Variants in STX3 observed in about 807,000 individuals in gnomAD.
The protein encoded by STX3 is syntaxin-3.
Under a neutral mutation model 40.2 loss-of-function variants are expected in STX3, and 19 were observed. The observed-to-expected ratio is 0.47, with a 90% CI of 0.33 to 0.69. The LOEUF (loss-of-function observed/expected upper bound fraction) is 0.69. Ranked by LOEUF, STX3 falls within the 30% of genes least tolerant of loss-of-function variation. The pLI is 0.02. For missense variants in STX3, 364 were observed against 366.7 expected (o/e 0.99, Z 0.06); for synonymous variants, 122 against 132.2 (o/e 0.92, Z 0.53).
At chr11:59,768,825 C>T (rs75501583) in intron 1 of STX3, among the ~76,000 whole-genome samples, 52 of 152,124 alleles carry the variant, frequency 3.4e-4, no homozygotes, top group Non-Finnish European at 6.9e-4. Context: ...GGGTCTGCTA[C>T]TCAAGCAAGG....
chr11:59,755,318 G>A (rs1250097708), upstream of STX3: 24 of 270,302 alleles, frequency 8.9e-5, no homozygotes, highest in Admixed American at 1.3e-3. Flanking sequence ...GAGGGGCGCG[G>A]CCAGGTAGGG....
At chr11:59,785,412 G>T (rs941348689) in intron 2 of STX3, among the ~76,000 whole-genome samples, 1 of 152,090 alleles carries the variant, frequency 6.6e-6, no homozygotes, top group East Asian at 1.9e-4. Flanking sequence ...GCTCACTGTG[G>T]CTTCAACCTC....
Position 59,802,327 on chromosome 11 carries a change from G to A in STX3, c.*1503G>A. 6.1e-6 allele frequency: 6 copies of A among 985,486 alleles called. No individual in the cohort carries two copies. The highest frequency in any genetic ancestry group is 7.2e-6 in the Non-Finnish European group (6 of 829,970). 61.0% of individuals were successfully genotyped at this position (985,486 alleles called of 1,614,324 possible). A position where few individuals can be genotyped will look rare whatever the true frequency, so the allele number is the denominator to read the frequency against. ...TTAGATCCCCTGCTGGTCTCTGGCA[G>A]TCTCCTTGATTTTGGGTACCATGTA... On this transcript the variant is annotated 3_prime_UTR_variant, in exon 11 of 11. Transcript: ENST00000337979.
rs1421256132 is a variant in STX3 at position 59,804,506 on chromosome 11, G to A, written c.*3682G>A. Reference sequence around the variant, plus strand: ...AACTCTTTAAGGTACCAATGAGAACGTGGTTTGTTACTGTCAGAGGCTGTG... The same window carrying A: ...AACTCTTTAAGGTACCAATGAGAACATGGTTTGTTACTGTCAGAGGCTGTG... On this transcript the variant is annotated 3_prime_UTR_variant, in exon 11 of 11. Coordinates refer to ENST00000337979, the MANE Select transcript of STX3 (RefSeq NM_004177.5). 2.0e-5 allele frequency: 3 copies of A among 152,180 alleles called. No individual in the cohort carries two copies. The highest frequency in any genetic ancestry group is 7.2e-5 in the African/African-American group (3 of 41,436). The allele number at this position is 152,180 out of a possible 1,614,324, so 9.4% of individuals were successfully genotyped here.
chr11:59,797,921 T>C lies in STX3; in HGVS notation c.*30+525T>C, dbSNP rs994357575. 4.9e-4 allele frequency among the ~76,000 whole-genome samples: 74 copies of C among 152,254 alleles called. 3 individuals are homozygous for C. The highest frequency in any genetic ancestry group is 4.8e-5 in the African/African-American group (2 of 41,464). On this transcript the variant is annotated intron_variant, in intron 10 of 10. Transcript: ENST00000337979. ...TTGAGTGTTGTGTTGTACCAGACAA[T>C]GTACTAAACACCTTATACACATATC...
At chr11:59,792,999 G>A (rs1017684662) in intron 6 of STX3, 100 bp from the exon 7 acceptor site, 14 of 1,191,586 alleles carry the variant, frequency 1.2e-5, no homozygotes, top group Middle Eastern at 5.4e-4. Flanking sequence ...TAAAGGCCAC[G>A]GTCTTTATAG....
intron 1 of STX3, among the ~76,000 whole-genome samples, chr11:59,756,013 T>C (rs1862696858): frequency 6.6e-6 from 1 of 152,134 alleles, no homozygotes; most frequent in South Asian, 2.1e-4. Flanking sequence ...CCTGTTTCTC[T>C]CCTGAGGTGC....
At chr11:59,764,273 A>G (rs1863179935) in intron 1 of STX3, among the ~76,000 whole-genome samples, 1 of 152,108 alleles carries the variant, frequency 6.6e-6, no homozygotes, top group South Asian at 2.1e-4. Flanking sequence ...ACAAGGCCCA[A>G]TTTTCTGCTT....
chr11:59,762,908 T>C (rs1158071902), intron 1 of STX3, among the ~76,000 whole-genome samples: 1 of 152,170 alleles, frequency 6.6e-6, no homozygotes, highest in African/African-American at 2.4e-5. Flanking sequence ...AATCCACACA[T>C]TCCACAAAAT....
chr11:59,781,733 C>T (rs1213251852), intron 2 of STX3: 72 of 1,582,390 alleles, frequency 4.6e-5, no homozygotes, highest in Non-Finnish European at 5.8e-5. Flanking sequence ...TGGGTGCGGG[C>T]GGGCTGGCGT....
intron 5 of STX3, among the ~76,000 whole-genome samples, chr11:59,791,628 A>C (rs145362760): frequency 6.6e-6 from 1 of 152,298 alleles, no homozygotes; most frequent in African/African-American, 2.4e-5. Flanking sequence ...GCAAGGAATA[A>C]AAATTATTAG....
chr11:59,771,403 T>TCCCCCCCCCCC (rs1367914976), intron 1 of STX3, among the ~76,000 whole-genome samples: 31 of 34,636 alleles, frequency 9.0e-4, no homozygotes, highest in African/African-American at 1.4e-3. Flanking sequence ...TCCCCCCACC[T>TCCCCCCCCCCC]CCCCCCCCCC....
chr11:59,796,337 C>T (rs1865516533), intron 9 of STX3, among the ~76,000 whole-genome samples: 1 of 152,218 alleles, frequency 6.6e-6, no homozygotes, highest in Admixed American at 6.5e-5. Flanking sequence ...TTAAGGACTT[C>T]TAGGCTTCTG....
chr11:59,792,365 T>C (rs1277689020), intron 6 of STX3, 150 bp downstream of exon 6: 1 of 645,020 alleles, frequency 1.6e-6, no homozygotes, highest in Non-Finnish European at 2.8e-6. Context: ...TCCCGAATGC[T>C]GTGCTGTAGG....
At chr11:59,775,952 G>T (rs1477142885) in intron 2 of STX3, among the ~76,000 whole-genome samples, 5 of 152,214 alleles carry the variant, frequency 3.3e-5, no homozygotes, top group Non-Finnish European at 5.9e-5. Flanking sequence ...GCCACTAACT[G>T]TGTGATCTTG....
At chr11:59,797,516 A>C (rs1865595387) in intron 10 of STX3, 120 bp downstream of exon 10, 1 of 710,440 alleles carries the variant, frequency 1.4e-6, no homozygotes, top group Non-Finnish European at 2.4e-6. Context: ...TGAGCTTTCT[A>C]AAACTTTCAG....
At chr11:59,774,802 G>T (rs2134936065) in intron 2 of STX3, among the ~76,000 whole-genome samples, 1 of 152,308 alleles carries the variant, frequency 6.6e-6, no homozygotes. Flanking sequence ...CTGCACTCCA[G>T]CCTGGGTGAC....
At chr11:59,794,386 C>G (rs1464641207) in intron 8 of STX3, among the ~76,000 whole-genome samples, 1 of 152,212 alleles carries the variant, frequency 6.6e-6, no homozygotes, top group East Asian at 1.9e-4. Flanking sequence ...TGCTCTGACA[C>G]TTGGGATAGG....
At position 59,787,117 on chromosome 11, in the gene STX3, T is replaced by A; in HGVS notation, c.195T>A (p.Ser65=). 6.2e-7 allele frequency: 1 copy of A among 1,614,190 alleles called. No homozygotes were observed. The highest frequency in any genetic ancestry group is 1.1e-5 in the South Asian group (1 of 91,076). ...AGAAACTCTACAGTATCATTCTCTC[T>A]GCACCGATTCCAGAGCCAAGTGAGT... is the stretch of plus-strand genomic sequence containing the variant. ...EAKKLYSIIL[S]APIPEPKTKD... The change falls in exon 3 of 11, where the codon TCT becomes TCA. Residue 65 remains serine, a synonymous_variant. Coordinates refer to ENST00000337979, the MANE Select transcript of STX3 (RefSeq NM_004177.5).
Sources: gnomAD v4.1 joint callset for allele counts (sites outside exome capture counted in the v4.1 genomes callset) on GRCh38, gnomAD v4.1.1 for gene constraint, MANE v1.5 for transcripts, NCBI Gene and HGNC (gene_info 2026-07-23, HGNC 2026-07-21) for gene names.